Variants in ARL6IP6 observed in about 807,000 individuals in gnomAD.
ARL6IP6 encodes ARF like GTPase 6 interacting protein 6, also known as ADP-ribosylation factor-like protein 6-interacting protein 6.
In ARL6IP6, 22 loss-of-function variants were observed where a neutral mutation model predicts 21.5. The observed-to-expected ratio is 1.02, with a 90% CI of 0.73 to 1.46. The LOEUF is 1.46. Ranked by LOEUF, ARL6IP6 falls within the 40% of genes most tolerant of loss-of-function variation. The probability of loss-of-function intolerance (pLI) is 0.00; values close to 1 mark genes in which losing one functional copy is unlikely to be tolerated. For synonymous variants in ARL6IP6, 164 were observed against 125.3 expected (o/e 1.31, Z -2.06); for missense variants, 388 against 299.8 (o/e 1.29, Z -2.17).
chr2:152,756,258 G>A (rs1205609936), intron 3 of ARL6IP6, among the ~76,000 whole-genome samples: 1 of 152,032 alleles, frequency 6.6e-6, no homozygotes, highest in Non-Finnish European at 1.5e-5. Flanking sequence ...TTTGTATATT[G>A]TGTAAGGTAG....
chr2:152,718,128 G>A (rs3811566), upstream of ARL6IP6: 2 of 942,280 alleles, frequency 2.1e-6, no homozygotes, highest in East Asian at 1.2e-4. Context: ...AGGTAGAGAG[G>A]TGCCCTTAAT....
intron 2 of ARL6IP6, 102 bp from the exon 3 acceptor site, chr2:152,734,892 A>T (rs750780201): frequency 2.5e-6 from 3 of 1,185,186 alleles, no homozygotes; most frequent in Non-Finnish European, 3.5e-6. Flanking sequence ...CATATAATTT[A>T]GAAGATGAGA....
At chr2:152,735,299 A>G (rs2105129910) in intron 3 of ARL6IP6, among the ~76,000 whole-genome samples, 173 bp downstream of exon 3, 1 of 152,348 alleles carries the variant, frequency 6.6e-6, no homozygotes, top group African/African-American at 2.4e-5. Context: ...CATGAGAATA[A>G]TATTTAAAAT....
At chr2:152,732,187 A>G (rs2105120134) in intron 2 of ARL6IP6, among the ~76,000 whole-genome samples, 1 of 151,996 alleles carries the variant, frequency 6.6e-6, no homozygotes, top group East Asian at 1.9e-4. Context: ...ACAGAGATAT[A>G]TTGTCCTAAA....
At chr2:152,752,369 A>G (rs759933635) in intron 3 of ARL6IP6, among the ~76,000 whole-genome samples, 2 of 152,172 alleles carry the variant, frequency 1.3e-5, no homozygotes, top group Non-Finnish European at 2.9e-5. Flanking sequence ...GTATCTCTAC[A>G]AAAAATCAGC....
At chr2:152,720,360 A>G (rs1340507385) in intron 1 of ARL6IP6, 173 bp from the exon 2 acceptor site, 1 of 647,836 alleles carries the variant, frequency 1.5e-6, no homozygotes, top group Non-Finnish European at 2.8e-6. Flanking sequence ...AGTGGTCAAC[A>G]CATTAATTTG....
chr2:152,735,613 G>A (rs911127692), intron 3 of ARL6IP6, among the ~76,000 whole-genome samples: 1 of 152,084 alleles, frequency 6.6e-6, no homozygotes, highest in Non-Finnish European at 1.5e-5. Flanking sequence ...TAGTGGAACA[G>A]TATTAAATTT....
chr2:152,751,243 A>G (rs184154610), intron 3 of ARL6IP6, among the ~76,000 whole-genome samples: 2 of 152,276 alleles, frequency 1.3e-5, no homozygotes, highest in East Asian at 3.9e-4. Context: ...CATATTCATT[A>G]GTGGAATACA....
At chr2:152,720,751 T>G (rs1699750521) in intron 2 of ARL6IP6, among the ~76,000 whole-genome samples, 165 bp downstream of exon 2, 1 of 152,236 alleles carries the variant, frequency 6.6e-6, no homozygotes, top group Non-Finnish European at 1.5e-5. Context: ...TAGATTTCCT[T>G]TATATGTGTG....
Position 152,718,937 on chromosome 2 carries a change from C to T in ARL6IP6, c.313C>T (p.Pro105Ser), listed in dbSNP as rs2105063861. Residue 105 changes from proline (P) to serine (S), a missense_variant, in exon 1 of 4, where the codon CCG becomes TCG. Pro to Ser is a moderately conservative substitution (Grantham distance 74). Coordinates refer to ENST00000326446, the MANE Select transcript of ARL6IP6 (RefSeq NM_152522.7). ...CAGCAGAGCCCAGCCTCGGCGGTGG[C>T]CGGTCCAGGTCCTCTCTATTCTCTG... ...AGSRAQPRRW[P>S]VQVLSILCSL... is the part of the protein sequence containing the mutation. 2 of 1,613,766 alleles carry T rather than the reference C, an allele frequency of 1.2e-6. No individual in the cohort carries two copies. The highest frequency in any genetic ancestry group is 1.7e-6 in the Non-Finnish European group (2 of 1,179,852).
intron 3 of ARL6IP6, among the ~76,000 whole-genome samples, chr2:152,743,997 G>T (rs1281559987): frequency 6.6e-6 from 1 of 152,140 alleles, no homozygotes; most frequent in Non-Finnish European, 1.5e-5. Flanking sequence ...TATGCTAAGA[G>T]ATTTCTTATC....
At chr2:152,720,497 T>C (rs2105082026) in intron 1 of ARL6IP6, 36 bp from the exon 2 acceptor site, 1 of 1,597,550 alleles carries the variant, frequency 6.3e-7, no homozygotes, top group East Asian at 2.2e-5. Flanking sequence ...AATTATAGTA[T>C]TGCTTTCCTA....
In ARL6IP6 at chr2:152,746,208, A is replaced by C. The variant is rs576465763; in HGVS notation, c.587+11082A>C. Among the ~76,000 whole-genome samples, 5 of 151,754 alleles carry C rather than the reference A, an allele frequency of 3.3e-5. No homozygotes were observed. In the South Asian group the frequency reaches 1.0e-3, roughly 32 times the overall value. On this transcript the variant is annotated intron_variant, in intron 3 of 3. Transcript: ENST00000326446. ...AATCTGGCTAATTTTTGTATTTTTT[A>C]TAGAGACGGGGTTTTGCCATGTTGC... is the stretch of plus-strand genomic sequence containing the variant.
At chr2:152,737,717 G>T (rs970874327) in intron 3 of ARL6IP6, among the ~76,000 whole-genome samples, 2 of 152,150 alleles carry the variant, frequency 1.3e-5, no homozygotes, top group Non-Finnish European at 2.9e-5. Flanking sequence ...ACAGCAGCAT[G>T]GGGGTAACCA....
upstream of ARL6IP6, chr2:152,717,707 A>C (rs1699193324): frequency 7.3e-7 from 1 of 1,379,196 alleles, no homozygotes; most frequent in East Asian, 2.8e-5. Flanking sequence ...CAACTTCCCC[A>C]GGGGAAGGGA....
At chr2:152,718,148 T>A (rs374840201), upstream of ARL6IP6, 10 of 791,776 alleles carry the variant, frequency 1.3e-5, no homozygotes, top group East Asian at 3.8e-4. Context: ...TGGGGGAACC[T>A]GGAGAAGAGT....
At chr2:152,717,721 CA>C, upstream of ARL6IP6, 1 of 1,362,848 alleles carries the variant, frequency 7.3e-7, no homozygotes, top group Non-Finnish European at 9.5e-7. Context: ...GAAGGGAAGA[CA>C]ACAGTGTCCC....
Position 152,756,274 on chromosome 2 carries a change from C to G in ARL6IP6, c.588-3473C>G, listed in dbSNP as rs1185906109. ...TTGTATATTGTGTAAGGTAGAGGAC[C>G]AAATTCATTCTTTTGTGTTCAGTGT... On this transcript the variant is annotated intron_variant, in intron 3 of 3. Coordinates refer to ENST00000326446, the MANE Select transcript of ARL6IP6 (RefSeq NM_152522.7). Among the ~76,000 whole-genome samples the G allele has an allele frequency of 2.0e-5, 3 of 151,878 alleles. No homozygotes were observed. The East Asian group carries it at 5.8e-4, about 29-fold the overall frequency.
chr2:152,718,220 C>A (rs549575398), upstream of ARL6IP6: 2 of 418,142 alleles, frequency 4.8e-6, no homozygotes, highest in African/African-American at 2.1e-5. Context: ...TCCGAGGGCG[C>A]GAGCGGGCGC....
Sources: allele counts gnomAD v4.1 joint callset (sites outside exome capture counted in the v4.1 genomes callset), GRCh38; gene constraint gnomAD v4.1.1; transcripts MANE v1.5; gene names NCBI Gene and HGNC (gene_info 2026-07-23, HGNC 2026-07-21).